NEK6: variants seen among roughly 807,000 people sequenced by gnomAD.
The protein encoded by NEK6 is serine/threonine-protein kinase Nek6.
In NEK6, 27 loss-of-function variants were observed where a neutral mutation model predicts 43.5. The observed-to-expected ratio is 0.62, with a 90% CI of 0.46 to 0.86. The LOEUF (loss-of-function observed/expected upper bound fraction) is 0.86, where lower values mean the gene tolerates loss of function less well. NEK6 is among the 40% of genes least tolerant of loss of function. The pLI is 0.00. For synonymous variants in NEK6, 167 were observed against 164.1 expected (o/e 1.02, Z -0.14); for missense variants, 318 against 414.4 (o/e 0.77, Z 2.02).
At chr9:124,292,575 C>T (rs1832474808) in intron 1 of NEK6, 3 of 1,536,488 alleles carry the variant, frequency 2.0e-6, no homozygotes, top group Admixed American at 2.0e-5. Context: ...CCTCCAGCCC[C>T]CGGGGCTGTT....
chr9:124,260,562 A>G (rs1830990913), intron 1 of NEK6, among the ~76,000 whole-genome samples: 1 of 151,902 alleles, frequency 6.6e-6, no homozygotes, highest in African/African-American at 2.4e-5. Flanking sequence ...ACGCCCAGAT[A>G]ATTTTTGTAT....
At chr9:124,286,182 C>G (rs1034632934) in intron 1 of NEK6, among the ~76,000 whole-genome samples, 1 of 152,240 alleles carries the variant, frequency 6.6e-6, no homozygotes, top group African/African-American at 2.4e-5. Flanking sequence ...TCTGAAACCT[C>G]TTCGGGCTGG....
chr9:124,285,946 C>T (rs1832137586), intron 1 of NEK6, among the ~76,000 whole-genome samples: 5 of 152,214 alleles, frequency 3.3e-5, no homozygotes, highest in Admixed American at 3.3e-4. Flanking sequence ...ATGCTGGGTA[C>T]ATACTAAATA....
intron 7 of NEK6, among the ~76,000 whole-genome samples, 159 bp from the exon 8 acceptor site, chr9:124,339,412 G>T (rs1219493387): frequency 6.6e-6 from 1 of 152,096 alleles, no homozygotes; most frequent in Non-Finnish European, 1.5e-5. Context: ...CTGCTCATCT[G>T]ACAGAGGAAG....
intron 1 of NEK6, among the ~76,000 whole-genome samples, chr9:124,274,657 G>T (rs188719301): frequency 3.3e-5 from 5 of 152,296 alleles, no homozygotes; most frequent in Admixed American, 2.6e-4. Context: ...GACATCTGGA[G>T]GGTTTTTGCT....
Position 124,329,056 on chromosome 9 carries a change from C to T in NEK6, c.622+1611C>T, listed in dbSNP as rs544106480. Among the ~76,000 whole-genome samples, 148 of 152,340 alleles carry T rather than the reference C, an allele frequency of 9.7e-4. 1 individual carries two copies. Among genetic ancestry groups the T allele is most frequent in the African/African-American group, 3.3e-3 (136 of 41,566 alleles). On this transcript the variant is annotated intron_variant, in intron 7 of 9. Coordinates refer to ENST00000320246, the MANE Select transcript of NEK6 (RefSeq NM_014397.6). ...CAGCAGGCCTCTCCTTCAGAACCCA[C>T]GCTGCTTCCAGGAAACGAGGGCCGG... is the stretch of plus-strand genomic sequence containing the variant.
intron 9 of NEK6, 65 bp downstream of exon 9, chr9:124,347,887 T>A: frequency 2.2e-6 from 2 of 919,354 alleles, no homozygotes; most frequent in Non-Finnish European, 3.5e-6. Context: ...TGAGGGCCGC[T>A]CCAAAACACC....
At chr9:124,291,438 C>A (rs1182325996) in intron 1 of NEK6, among the ~76,000 whole-genome samples, 1 of 152,144 alleles carries the variant, frequency 6.6e-6, no homozygotes. Context: ...ACCAGCCTGA[C>A]CAACATGGAG....
chr9:124,292,781 C>T, intron 1 of NEK6: 1 of 1,335,116 alleles, frequency 7.5e-7, no homozygotes, highest in Non-Finnish European at 1.0e-6. Context: ...AGCCTCTCCT[C>T]TGCCAACTGC....
At chr9:124,312,681 A>G (rs774461940) in intron 3 of NEK6, 32 bp downstream of exon 3, 6 of 1,592,388 alleles carry the variant, frequency 3.8e-6, no homozygotes, top group Non-Finnish European at 3.4e-6. Flanking sequence ...TCAAACCTGC[A>G]TCTCGGGAGG....
Position 124,321,522 on chromosome 9 carries a change from A to G in NEK6, c.358A>G (p.Ile120Val). ...GTTTATCGAAGACAACGAGCTGAACATTGTGCTGGAGTTGGCTGACGCAGG... is the reference window on the plus strand; with the variant it reads ...GTTTATCGAAGACAACGAGCTGAACGTTGTGCTGGAGTTGGCTGACGCAGG... ...DSFIEDNELNIVLELADAGDL... is the reference protein window; with the variant it reads ...DSFIEDNELNVVLELADAGDL... Residue 120 changes from isoleucine (I) to valine (V), a missense_variant, in exon 5 of 10, where the codon ATT (isoleucine) becomes GTT (valine). Physicochemically the swap from Ile to Val is conservative, Grantham distance 29. This residue lies in a region of NEK6 where 239 missense variants were observed against 344.4 expected (regional missense o/e 0.69). Coordinates refer to ENST00000320246, the MANE Select transcript of NEK6 (RefSeq NM_014397.6). 6.2e-7 allele frequency: 1 copy of G among 1,614,066 alleles called. No homozygotes were observed. The highest frequency in any genetic ancestry group is 2.2e-5 in the East Asian group (1 of 44,874).
chr9:124,345,956 T>C (rs1829903883), intron 8 of NEK6, among the ~76,000 whole-genome samples: 2 of 152,154 alleles, frequency 1.3e-5, no homozygotes, highest in African/African-American at 4.8e-5. Context: ...GACCCCAAAA[T>C]GGGCAGGGCC....
chr9:124,261,575 C>G, intron 1 of NEK6: 1 of 985,412 alleles, frequency 1.0e-6, no homozygotes. Context: ...ACAGCGAGAT[C>G]GCTTGTAGGT....
In NEK6 at chr9:124,350,893, C is replaced by T. The variant is rs572314155; in HGVS notation, c.888C>T (p.Ile296=). The part of the protein sequence containing the change: ...ICPDPHQRPD[I]GYVHQVAKQM... ...CTGACCCCCACCAGAGACCTGACATCGGATACGTGCACCAGGTGGCCAAGC... is the reference window on the plus strand; with the variant it reads ...CTGACCCCCACCAGAGACCTGACATTGGATACGTGCACCAGGTGGCCAAGC... The change falls in exon 10 of 10, where the codon ATC becomes ATT. Residue 296 remains isoleucine (I), a synonymous_variant. Transcript: ENST00000320246. The T allele has an allele frequency of 1.1e-4, 171 of 1,612,238 alleles. 1 individual carries two copies. In the South Asian group the frequency reaches 1.5e-3, roughly 14 times the overall value.
intron 3 of NEK6, among the ~76,000 whole-genome samples, chr9:124,313,431 G>T (rs1356826818): frequency 6.6e-6 from 1 of 151,870 alleles, no homozygotes; most frequent in African/African-American, 2.4e-5. Flanking sequence ...GTGCAGTGGC[G>T]TGATCAGCTC....
At chr9:124,304,015 A>G (rs1315818756) in intron 2 of NEK6, among the ~76,000 whole-genome samples, 1 of 152,236 alleles carries the variant, frequency 6.6e-6, no homozygotes, top group Non-Finnish European at 1.5e-5. Context: ...TGGAGAGGGT[A>G]ATGACATAGT....
At chr9:124,335,297 C>T (rs2131010762) in intron 7 of NEK6, among the ~76,000 whole-genome samples, 1 of 152,254 alleles carries the variant, frequency 6.6e-6, no homozygotes, top group East Asian at 1.9e-4. Flanking sequence ...GGTGTTGCTA[C>T]TGGAAGTTGC....
chr9:124,347,569 G>C (rs1032196492), intron 8 of NEK6, 140 bp from the exon 9 acceptor site: 2 of 535,906 alleles, frequency 3.7e-6, no homozygotes, highest in African/African-American at 1.9e-5. Flanking sequence ...TCGGTGATTC[G>C]GGGGAGAAGT....
intron 4 of NEK6, among the ~76,000 whole-genome samples, chr9:124,320,198 G>A (rs1314782692): frequency 6.6e-6 from 1 of 152,228 alleles, no homozygotes; most frequent in Admixed American, 6.5e-5. Context: ...CAGAGCAGGG[G>A]TTTGAGGACT....
Sources: gnomAD v4.1 joint callset for allele counts (sites outside exome capture counted in the v4.1 genomes callset) on GRCh38, gnomAD v4.1.1 for gene constraint, gnomAD v4.1.1 regional missense constraint, MANE v1.5 for transcripts, NCBI Gene and HGNC (gene_info 2026-07-23, HGNC 2026-07-21) for gene names.